KIAA2012: variants seen among roughly 807,000 people sequenced by gnomAD.
KIAA2012 encodes uncharacterized protein KIAA2012.
A neutral mutation model predicts 150.6 loss-of-function variants in KIAA2012; 125 were observed. The ratio of observed to expected loss-of-function variants is 0.83; its 90% CI spans 0.72 to 0.96. KIAA2012 has a LOEUF of 0.96. Ranked by LOEUF, KIAA2012 falls within the 40% of genes least tolerant of loss-of-function variation. KIAA2012 has a pLI of 0.00. For synonymous variants in KIAA2012, 462 were observed against 504.7 expected, an observed-to-expected ratio of 0.92 and a Z score of 1.13; for missense variants, 1,219 against 1,354.9, an observed-to-expected ratio of 0.90 and a Z score of 1.57.
rs775311333 is a variant in KIAA2012, at chr2:202,194,210, A to C, written c.3035A>C (p.Gln1012Pro). Reference sequence around the variant, plus strand: ...CTCAGCTTGAGGAAACAGAGACTCCAAGAAGAACAGCAGCGGCAGGAGGAG... The same window carrying C: ...CTCAGCTTGAGGAAACAGAGACTCCCAGAAGAACAGCAGCGGCAGGAGGAG... Reference protein sequence around the residue: ...EEIRLRKQRLQEEQQRQEEEE... With the variant: ...EEIRLRKQRLPEEQQRQEEEE... The change falls in exon 21 of 24, where the codon CAA (glutamine) becomes CCA (proline). Residue 1012 changes from glutamine (Q) to proline (P), a missense_variant. Transcript: ENST00000498697. 4.5e-6 allele frequency: 7 copies of C among 1,549,396 alleles called. No individual in the cohort carries two copies. The South Asian group carries it at 8.3e-5, about 18-fold the overall frequency.
intron 12 of KIAA2012, chr2:202,138,137 T>C (rs16838877): frequency 0.35 from 69,857 of 202,216 alleles, 12,702 homozygotes; most frequent in East Asian, 0.61. Context: ...CAGCTTTATC[T>C]GAATTTTAAT....
In KIAA2012 at chr2:202,075,063, AAG is replaced by A. The variant is rs1051670783; in HGVS notation, c.262_263del (p.Arg88GlufsTer17). 16 of 1,550,542 alleles carry A rather than the reference AAG, an allele frequency of 1.0e-5. No homozygotes were observed. Among genetic ancestry groups the A allele is most frequent in the Non-Finnish European group, 1.4e-5 (16 of 1,146,990 alleles). ...TTTGCCATTTCGGCATGGACACCCA[AAG>A]AGAGGAGAAAAGGCCCCTACTGCCC... On this transcript the variant is annotated frameshift_variant, in exon 2 of 24. Coordinates refer to ENST00000498697, the MANE Select transcript of KIAA2012 (RefSeq NM_001277372.4). LOFTEE classifies it high-confidence loss of function.
chr2:202,201,021 T>TAATTC (rs1692512721), intron 22 of KIAA2012, among the ~76,000 whole-genome samples: 2 of 152,174 alleles, frequency 1.3e-5, no homozygotes, highest in African/African-American at 4.8e-5. Context: ...TTGGCAACTT[T>TAATTC]AATTCTTAGG....
At chr2:202,131,977 A>G (rs1380452109) in intron 12 of KIAA2012, among the ~76,000 whole-genome samples, 4 of 151,948 alleles carry the variant, frequency 2.6e-5, no homozygotes, top group Admixed American at 2.6e-4. Flanking sequence ...GGAGTTCAAG[A>G]CCAGCCTGAC....
chr2:202,106,109 A>G (rs1690184205), intron 9 of KIAA2012, 199 bp downstream of exon 9: 3 of 1,437,454 alleles, frequency 2.1e-6, no homozygotes, highest in Non-Finnish European at 2.8e-6. Flanking sequence ...TGTCCAGCTC[A>G]CCAGTTACTT....
intron 23 of KIAA2012, among the ~76,000 whole-genome samples, chr2:202,203,478 A>G (rs1319320656): frequency 6.6e-6 from 1 of 152,200 alleles, no homozygotes; most frequent in Non-Finnish European, 1.5e-5. Flanking sequence ...TAGATTCTAG[A>G]GCTGCACTGC....
At chr2:202,158,909 G>T (rs183669878) in intron 14 of KIAA2012, among the ~76,000 whole-genome samples, 2 of 152,168 alleles carry the variant, frequency 1.3e-5, no homozygotes, top group African/African-American at 4.8e-5. Flanking sequence ...ATCAAAGGAT[G>T]TGTATGTTAT....
chr2:202,093,244 C>T, intron 4 of KIAA2012, 59 bp downstream of exon 4: 1 of 1,506,742 alleles, frequency 6.6e-7, no homozygotes, highest in South Asian at 1.2e-5. Context: ...GAATTGTTAA[C>T]ACCTTAAAAT....
intron 23 of KIAA2012, among the ~76,000 whole-genome samples, chr2:202,202,864 C>T (rs1692556281): frequency 6.6e-6 from 1 of 151,654 alleles, no homozygotes; most frequent in South Asian, 2.1e-4. Flanking sequence ...GACTTCCAGG[C>T]TGCACTGAGC....
At chr2:202,126,062 C>A (rs1349296311) in intron 12 of KIAA2012, among the ~76,000 whole-genome samples, 1 of 148,658 alleles carries the variant, frequency 6.7e-6, no homozygotes, top group Non-Finnish European at 1.5e-5. Context: ...TCAAGCAATT[C>A]TCCTGCCTCA....
At chr2:202,117,302 G>A (rs1471579537) in intron 11 of KIAA2012, among the ~76,000 whole-genome samples, 4 of 152,204 alleles carry the variant, frequency 2.6e-5, no homozygotes, top group Non-Finnish European at 5.9e-5. Context: ...GAATATCCCA[G>A]CTGGTCTGAA....
At chr2:202,194,805 A>G (rs750052602) in intron 21 of KIAA2012, among the ~76,000 whole-genome samples, 2 of 152,014 alleles carry the variant, frequency 1.3e-5, no homozygotes, top group Non-Finnish European at 2.9e-5. Flanking sequence ...GTCTCACACT[A>G]TTGCCTGGGC....
intron 2 of KIAA2012, among the ~76,000 whole-genome samples, chr2:202,078,743 A>G (rs1689379947): frequency 6.6e-6 from 1 of 152,258 alleles, no homozygotes; most frequent in Non-Finnish European, 1.5e-5. Context: ...AATCCTGGGC[A>G]TAAGTACTAT....
intron 4 of KIAA2012, among the ~76,000 whole-genome samples, chr2:202,095,179 C>T (rs1689835608): frequency 6.6e-6 from 1 of 152,084 alleles, no homozygotes; most frequent in Non-Finnish European, 1.5e-5. Context: ...GCCCAATTGC[C>T]CATGATCATA....
intron 12 of KIAA2012, among the ~76,000 whole-genome samples, chr2:202,132,287 A>G (rs1690949070): frequency 6.6e-6 from 1 of 152,226 alleles, no homozygotes; most frequent in South Asian, 2.1e-4. Flanking sequence ...AATGACTCCC[A>G]GCTATGTAGA....
Position 202,191,171 on chromosome 2 carries a change from G to A in KIAA2012, c.2811+678G>A, listed in dbSNP as rs189258141. On this transcript the variant is annotated intron_variant, in intron 19 of 23. Coordinates refer to ENST00000498697, the MANE Select transcript of KIAA2012 (RefSeq NM_001277372.4). The stretch of plus-strand genomic sequence containing the variant: ...GCACGCCTGTAATCCCAGCTACTTG[G>A]GAGGCTGAGGCAGGAGAATTGCTTG... 6.6e-5 allele frequency among the ~76,000 whole-genome samples: 10 copies of A among 152,240 alleles called. No individual in the cohort carries two copies. In the East Asian group the frequency reaches 1.9e-3, roughly 29 times the overall value.
At chr2:202,187,368 G>A (rs991023777) in intron 17 of KIAA2012, among the ~76,000 whole-genome samples, 5 of 151,992 alleles carry the variant, frequency 3.3e-5, no homozygotes, top group Non-Finnish European at 5.9e-5. Flanking sequence ...GCAGTGGCGC[G>A]GTCTCGGCTT....
At chr2:202,114,952 G>A (rs1690477820) in intron 11 of KIAA2012, 1 of 167,416 alleles carries the variant, frequency 6.0e-6, no homozygotes, top group Non-Finnish European at 1.5e-5. Flanking sequence ...TTCCTCCATG[G>A]GCAGTTGGTT....
chr2:202,196,947 G>C lies in KIAA2012; in HGVS notation c.3335G>C (p.Arg1112Thr). 1 of 1,550,588 alleles carries C rather than the reference G, an allele frequency of 6.4e-7. No homozygotes were observed. ...AAGGCTCGGCTGGAGGCAGAGGAGAGGAGGCAAAAAGAAGAGGAAGCAGCA... is the reference window on the plus strand; with the variant it reads ...AAGGCTCGGCTGGAGGCAGAGGAGACGAGGCAAAAAGAAGAGGAAGCAGCA... ...EEKARLEAEE[R>T]RQKEEEAARL... is the part of the protein sequence containing the mutation. The change falls in exon 22 of 24, where the codon AGG (arginine) becomes ACG (threonine). Residue 1112 changes from arginine to threonine, a missense_variant. Physicochemically the swap from Arg to Thr is moderately conservative, Grantham distance 71 (BLOSUM62 -1). Transcript: ENST00000498697.
Sources: allele counts gnomAD v4.1 joint callset (sites outside exome capture counted in the v4.1 genomes callset), GRCh38; gene constraint gnomAD v4.1.1; transcripts MANE v1.5; gene names NCBI Gene and HGNC (gene_info 2026-07-23, HGNC 2026-07-21).